ZMYM2: variants seen among roughly 807,000 people sequenced by gnomAD.
The protein encoded by ZMYM2 is zinc finger MYM-type protein 2.
ZMYM2 carries 56 observed loss-of-function variants against 162.8 expected under a neutral mutation model. The observed-to-expected ratio is 0.34, with a 90% CI of 0.28 to 0.43. ZMYM2 has a LOEUF of 0.43. Among genes scored for constraint, ZMYM2 ranks in the 20% least tolerant of loss-of-function variants. The pLI, the probability that ZMYM2 is intolerant of heterozygous loss-of-function variation, is 1.00. For synonymous variants in ZMYM2, 510 were observed against 541.6 expected, an observed-to-expected ratio of 0.94 and a Z score of 0.81; for missense variants, 1,275 against 1,621.8, an observed-to-expected ratio of 0.79 and a Z score of 3.67.
the ZMYM2 span, among the ~76,000 whole-genome samples, chr13:19,902,221 A>G: frequency 6.6e-6 from 1 of 152,258 alleles, no homozygotes; most frequent in South Asian, 2.1e-4. Context: ...AAATAGAATG[A>G]TGATTGCCAG....
chr13:20,068,265 A>G, intron 21 of ZMYM2: 1 of 179,392 alleles, frequency 5.6e-6, no homozygotes, highest in Non-Finnish European at 1.2e-5. Context: ...TCATGCTTAG[A>G]TGATAATATA....
intron 3 of ZMYM2, among the ~76,000 whole-genome samples, chr13:19,997,259 ATT>A (rs1950086427): frequency 6.6e-6 from 1 of 152,072 alleles, no homozygotes; most frequent in African/African-American, 2.4e-5. Flanking sequence ...TGGCTTTTGC[ATT>A]GTTTCCCATA....
upstream of ZMYM2, among the ~76,000 whole-genome samples, chr13:19,957,817 C>A (rs936770876): frequency 1.3e-5 from 2 of 152,208 alleles, no homozygotes; most frequent in Admixed American, 6.5e-5. Context: ...TCCAGGGGAG[C>A]CCGCAGCTCC....
chr13:20,067,242 A>G lies in ZMYM2; in HGVS notation c.3305A>G (p.Lys1102Arg). 6.5e-7 allele frequency: 1 copy of G among 1,537,886 alleles called. No individual in the cohort carries two copies. The highest frequency in any genetic ancestry group is 8.8e-7 in the Non-Finnish European group (1 of 1,139,378). Residue 1102 changes from lysine (K) to arginine (R), a missense_variant, in exon 21 of 25, where the codon AAA becomes AGA. Around this residue, in one of 10 missense-constraint regions of ZMYM2, gnomAD observed 229 missense variants for 283.8 expected, o/e 0.81. Coordinates refer to ENST00000610343, the MANE Select transcript of ZMYM2 (RefSeq NM_197968.4). ...LLVLDELKSSKSVKLKEDLLS... is the reference protein window; with the variant it reads ...LLVLDELKSSRSVKLKEDLLS... ...TTTTTATTTTATGTATTTTTAGCTA[A>G]ATCAGTAAAGTTAAAAGAGGATCTA...
the ZMYM2 span, among the ~76,000 whole-genome samples, chr13:19,903,946 CT>C: frequency 6.6e-6 from 1 of 152,000 alleles, no homozygotes; most frequent in African/African-American, 2.4e-5. Context: ...GCTCTAGGAA[CT>C]TTTTGTCTCT....
intron 7 of ZMYM2, chr13:20,025,642 TTTGTTG>T (rs146631931): frequency 3.2e-4 from 49 of 153,196 alleles, no homozygotes; most frequent in South Asian, 2.1e-4. Context: ...TTTATCTCCT[TTTGTTG>T]TTGTTGTTGT....
At chr13:19,994,547 T>C (rs1305572274) in intron 3 of ZMYM2, among the ~76,000 whole-genome samples, 1 of 152,148 alleles carries the variant, frequency 6.6e-6, no homozygotes, top group Non-Finnish European at 1.5e-5. Flanking sequence ...TGGAGTGCAG[T>C]GGCGCAATCT....
chr13:20,012,706 C>CCCA (rs1178986540), intron 6 of ZMYM2, among the ~76,000 whole-genome samples: 1 of 152,020 alleles, frequency 6.6e-6, no homozygotes. Context: ...TTCCAGTTTT[C>CCCA]CCACCACCAC....
rs1555319992 is a variant in ZMYM2 at position 20,051,255 on chromosome 13, AT to A, written c.2293-161del. ...TGGACTTTGTCAACTGTGAAATTGT[AT>A]TTTTTTTTTTTTTTTTCATTTATTG... On this transcript the variant is annotated intron_variant, in intron 12 of 24. Transcript: ENST00000610343. Among the ~76,000 whole-genome samples, 427 of 133,800 alleles carry A rather than the reference AT, an allele frequency of 3.2e-3. 4 individuals are homozygous for A. The highest frequency in any genetic ancestry group is 0.019 in the Middle Eastern group (5 of 266). 87.8% of individuals were successfully genotyped at this position (133,800 alleles called of 152,430 possible).
intron 1 of ZMYM2, among the ~76,000 whole-genome samples, chr13:19,959,435 G>T (rs796125630): frequency 3.9e-5 from 6 of 152,218 alleles, no homozygotes; most frequent in African/African-American, 1.4e-4. Context: ...TGCTCCGCAC[G>T]TATTGTTTGG....
upstream of ZMYM2, among the ~76,000 whole-genome samples, chr13:19,954,254 A>G (rs367621853): frequency 3.3e-4 from 49 of 149,236 alleles, no homozygotes; most frequent in East Asian, 7.8e-3. Flanking sequence ...TCAGCCTCCC[A>G]AGTAGCTGGG....
At chr13:20,030,761 T>C (rs1323273626) in intron 9 of ZMYM2, among the ~76,000 whole-genome samples, 2 of 152,006 alleles carry the variant, frequency 1.3e-5, no homozygotes, top group African/African-American at 4.8e-5. Context: ...CTCGAACTCC[T>C]GACCTTGGGT....
Position 20,064,495 on chromosome 13 carries a change from GT to G in ZMYM2, c.3087del (p.Phe1029LeufsTer48), listed in dbSNP as rs767653395. 6.2e-6 allele frequency: 10 copies of G among 1,600,270 alleles called. No homozygotes were observed. The highest frequency in any genetic ancestry group is 2.3e-5 in the South Asian group (2 of 88,126). ...GGAAAATGAATTTTTATTACCACCT[GT>G]TTTTGGCGAAGAATATGAGGAACAG... ...DMENEFLLPP[V>X]FGEEYEEQPR... On this transcript the variant is annotated frameshift_variant, in exon 19 of 25. Transcript: ENST00000610343. LOFTEE classifies it high-confidence loss of function.
chr13:20,083,498 G>T, intron 23 of ZMYM2, 158 bp from the exon 24 acceptor site: 2 of 616,914 alleles, frequency 3.2e-6, no homozygotes, highest in Non-Finnish European at 2.7e-6. Context: ...AGATGTCTCA[G>T]TTCCTTTTGT....
intron 12 of ZMYM2, among the ~76,000 whole-genome samples, chr13:20,044,403 A>G (rs764929813): frequency 2.6e-5 from 4 of 152,142 alleles, no homozygotes; most frequent in Non-Finnish European, 4.4e-5. Context: ...TGGTAGCCCC[A>G]TGCAGCGTTC....
chr13:19,916,889 A>G, the ZMYM2 span, among the ~76,000 whole-genome samples: 1 of 152,196 alleles, frequency 6.6e-6, no homozygotes, highest in African/African-American at 2.4e-5. Flanking sequence ...TAACACTTTT[A>G]AAATTACCTT....
chr13:19,909,472 G>A, the ZMYM2 span, among the ~76,000 whole-genome samples: 4 of 119,820 alleles, frequency 3.3e-5, no homozygotes, highest in African/African-American at 6.4e-5. Flanking sequence ...CACTCTTGTC[G>A]TGCAGGCTGG....
the ZMYM2 span, among the ~76,000 whole-genome samples, chr13:19,893,459 C>T: frequency 6.7e-6 from 1 of 148,188 alleles, no homozygotes; most frequent in East Asian, 2.1e-4. Context: ...AAATATAGTC[C>T]AGGCACGGTG....
chr13:19,970,428 A>G (rs1227771931), intron 2 of ZMYM2, among the ~76,000 whole-genome samples: 1 of 152,168 alleles, frequency 6.6e-6, no homozygotes, highest in African/African-American at 2.4e-5. Context: ...ACCAAAGACA[A>G]AGGATAGAGA....
Sources: allele counts gnomAD v4.1 joint callset (sites outside exome capture counted in the v4.1 genomes callset), GRCh38; gene constraint gnomAD v4.1.1; regional missense constraint gnomAD v4.1.1; transcripts MANE v1.5; gene names NCBI Gene and HGNC (gene_info 2026-07-23, HGNC 2026-07-21).